EFTUD2: variants seen among roughly 807,000 people sequenced by gnomAD.
The protein encoded by EFTUD2 is elongation factor Tu GTP binding domain containing 2, also known as 116 kDa U5 small nuclear ribonucleoprotein component.
In EFTUD2, 9 loss-of-function variants were observed where a neutral mutation model predicts 114.3. The observed-to-expected ratio is 0.08, with a 90% CI of 0.05 to 0.14. The LOEUF is 0.14. EFTUD2 is among the 10% of genes least tolerant of loss of function. The pLI, the probability that EFTUD2 is intolerant of heterozygous loss-of-function variation, is 1.00. For synonymous variants in EFTUD2, 449 were observed against 462.3 expected, an observed-to-expected ratio of 0.97 and a Z score of 0.37; for missense variants, 765 against 1,241.2, an observed-to-expected ratio of 0.62 and a Z score of 5.76.
At chr17:44,851,402 G>A (rs902210932) in intron 27 of EFTUD2, 33 bp from the exon 28 acceptor site, 9 of 1,560,284 alleles carry the variant, frequency 5.8e-6, no homozygotes, top group Non-Finnish European at 7.9e-6. Flanking sequence ...AAGAAAGCCC[G>A]AGGTGGTCGC....
intron 9 of EFTUD2, among the ~76,000 whole-genome samples, chr17:44,877,124 A>G (rs1021156714): frequency 4.6e-5 from 7 of 151,940 alleles, no homozygotes; most frequent in Admixed American, 4.6e-4. Flanking sequence ...TGAGCCCAGG[A>G]GCTCGAGGCT....
rs2051032705 is a variant in EFTUD2 at position 44,879,592 on chromosome 17, T to C, written c.666A>G (p.Ser222=). The change falls in exon 9 of 28, where the codon TCA becomes TCG. Residue 222 remains serine (S), a synonymous_variant. Coordinates refer to ENST00000426333, the MANE Select transcript of EFTUD2 (RefSeq NM_004247.4). ...CATCAATGAAAAGGACCACTCCATC[T>C]GAGATGCGCAAGCCAGCTGTGACCT... ...SDEVTAGLRI[S]DGVVLFIDAA... is the part of the protein sequence containing the mutation. 1.2e-6 allele frequency: 2 copies of C among 1,613,832 alleles called. No homozygotes were observed. The highest frequency in any genetic ancestry group is 2.7e-5 in the African/African-American group (2 of 74,882).
At position 44,862,888 on chromosome 17, in the gene EFTUD2, T is replaced by C. The variant is rs1243132387; in HGVS notation, c.1432A>G (p.Thr478Ala). The C allele has an allele frequency of 1.2e-6, 2 of 1,609,790 alleles. No individual in the cohort carries two copies. Among genetic ancestry groups the C allele is most frequent in the East Asian group, 2.2e-5 (1 of 44,756 alleles). Residue 478 changes from threonine to alanine, a missense_variant, in exon 16 of 28, where the codon ACT becomes GCT. Physicochemically the swap from Thr to Ala is moderately conservative, Grantham distance 58. Around this residue, in one of 6 missense-constraint regions of EFTUD2, gnomAD observed 149 missense variants for 245.1 expected, o/e 0.61. Transcript: ENST00000426333. ...CDPDGPLMCH[T>A]TKMYSTDDGV... ...TCATCTGTGCTGTACATCTTAGTAGTGTGGCACATCAGGGGGCCCTGGAAG... is the reference window on the plus strand; with the variant it reads ...TCATCTGTGCTGTACATCTTAGTAGCGTGGCACATCAGGGGGCCCTGGAAG...
chr17:44,880,242 T>C (rs1326028752), intron 8 of EFTUD2, among the ~76,000 whole-genome samples: 2 of 152,218 alleles, frequency 1.3e-5, no homozygotes, highest in Non-Finnish European at 2.9e-5. Flanking sequence ...GGCCAGGGAC[T>C]GGCTCTGACT....
At chr17:44,887,021 C>A (rs773629723) in intron 2 of EFTUD2, among the ~76,000 whole-genome samples, 24 of 152,198 alleles carry the variant, frequency 1.6e-4, no homozygotes, top group Non-Finnish European at 3.4e-4. Context: ...GAAAACAAAT[C>A]ACAGCACAGC....
At chr17:44,855,139 A>C in intron 20 of EFTUD2, 135 bp from the exon 21 acceptor site, 1 of 764,052 alleles carries the variant, frequency 1.3e-6, no homozygotes, top group Non-Finnish European at 2.3e-6. Context: ...GTGGTGGTTC[A>C]GACCTGTAAT....
chr17:44,859,554 C>T, intron 18 of EFTUD2: 1 of 495,778 alleles, frequency 2.0e-6, no homozygotes, highest in Non-Finnish European at 3.7e-6. Context: ...CTCACTTTTC[C>T]TTCTCTTCTC....
intron 3 of EFTUD2, among the ~76,000 whole-genome samples, chr17:44,885,964 C>T (rs1291336492): frequency 1.3e-5 from 2 of 151,914 alleles, no homozygotes; most frequent in African/African-American, 2.4e-5. Flanking sequence ...AGGCTGGTTG[C>T]AGTGGCTCAC....
At chr17:44,893,026 A>G (rs1196387049) in intron 2 of EFTUD2, among the ~76,000 whole-genome samples, 1 of 152,162 alleles carries the variant, frequency 6.6e-6, no homozygotes, top group African/African-American at 2.4e-5. Flanking sequence ...TCATGTCCAC[A>G]GCATGCCCCT....
chr17:44,895,782 T>A (rs964682114), intron 1 of EFTUD2: 9 of 152,202 alleles, frequency 5.9e-5, no homozygotes, highest in African/African-American at 2.2e-4. Flanking sequence ...TCTTTACAGA[T>A]CCCATTCAAG....
At chr17:44,853,213 C>T (rs1328585585) in intron 25 of EFTUD2, 83 bp downstream of exon 25, 2 of 1,461,490 alleles carry the variant, frequency 1.4e-6, no homozygotes, top group South Asian at 1.2e-5. Flanking sequence ...AGAAGGCCAA[C>T]CTCTCTTCCC....
chr17:44,851,619 T>C (rs1308451435), intron 27 of EFTUD2, 91 bp downstream of exon 27: 3 of 1,308,348 alleles, frequency 2.3e-6, no homozygotes, highest in African/African-American at 1.5e-5. Flanking sequence ...AAGTGTCCCT[T>C]AGGAAAAGGG....
intron 16 of EFTUD2, 25 bp from the exon 17 acceptor site, chr17:44,860,568 A>C (rs778507218): frequency 1.4e-5 from 20 of 1,400,002 alleles, no homozygotes; most frequent in Non-Finnish European, 2.0e-5. Flanking sequence ...AATAAGCAGC[A>C]GTGAAACTTA....
intron 11 of EFTUD2, among the ~76,000 whole-genome samples, chr17:44,870,359 A>G (rs1158615778): frequency 6.6e-6 from 1 of 152,216 alleles, no homozygotes; most frequent in East Asian, 1.9e-4. Context: ...GTTTAATTTC[A>G]TTTATTGTTT....
Position 44,852,462 on chromosome 17 carries a change from G to A in EFTUD2, c.2662C>T (p.Arg888Trp). The A allele has an allele frequency of 6.2e-7, 1 of 1,614,106 alleles. No individual in the cohort carries two copies. The highest frequency in any genetic ancestry group is 8.5e-7 in the Non-Finnish European group (1 of 1,180,018). Residue 888 changes from arginine (R) to tryptophan (W), a missense_variant, in exon 26 of 28, where the codon CGG becomes TGG. Physicochemically the swap from Arg to Trp is moderately radical, Grantham distance 101. Transcript: ENST00000426333. ...IDSFGFETDL[R>W]THTQGQAFSL... ...AAGGCTTGTCCCTGGGTGTGAGTCC[G>A]GAGATCAGTCTCAAAGCCAAAAGAG...
chr17:44,890,977 G>A lies in EFTUD2; in HGVS notation c.105+3440C>T, dbSNP rs566042578. Among the ~76,000 whole-genome samples the A allele has an allele frequency of 6.1e-4, 93 of 151,936 alleles. 2 individuals carry two copies. Among genetic ancestry groups the A allele is most frequent in the Admixed American group, 5.3e-4 (8 of 15,228 alleles). On this transcript the variant is annotated intron_variant, in intron 2 of 27. Transcript: ENST00000426333. ...TACACTGGATTATTAATTACGGCGAGGGAAGGCTGGTGACAGGTAACCTTG... is the reference window on the plus strand; with the variant it reads ...TACACTGGATTATTAATTACGGCGAAGGAAGGCTGGTGACAGGTAACCTTG...
Position 44,854,685 on chromosome 17 carries a change from G to A in EFTUD2, c.2133-3C>T. 1 of 1,612,222 alleles carries A rather than the reference G, an allele frequency of 6.2e-7. No homozygotes were observed. Among genetic ancestry groups the A allele is most frequent in the Non-Finnish European group, 8.5e-7 (1 of 1,178,810 alleles). On this transcript the variant is annotated splice_region_variant and splice_polypyrimidine_tract_variant and intron_variant, in intron 21 of 27. Coordinates refer to ENST00000426333, the MANE Select transcript of EFTUD2 (RefSeq NM_004247.4). This position sits in a 1 kb window ranked among gnomAD's most constrained non-coding sequence, Gnocchi z 4.3. Reference sequence around the variant, plus strand: ...GGAAGAACTCTCCCAGCTTCTTCCTGGGGAAGGGAGGAGACAATGGAGCTG... The same window carrying A: ...GGAAGAACTCTCCCAGCTTCTTCCTAGGGAAGGGAGGAGACAATGGAGCTG...
At chr17:44,890,639 C>CT (rs1403473615) in intron 2 of EFTUD2, among the ~76,000 whole-genome samples, 1 of 114,404 alleles carries the variant, frequency 8.7e-6, no homozygotes, top group East Asian at 2.0e-4. Flanking sequence ...TTACAGTGAG[C>CT]CGAGATCATG....
At chr17:44,865,332 CT>C (rs974701673) in intron 13 of EFTUD2, 1 of 367,626 alleles carries the variant, frequency 2.7e-6, no homozygotes, top group African/African-American at 2.1e-5. Context: ...GTGCTGCCCC[CT>C]GGTGTCTGAA....
Sources: allele counts gnomAD v4.1 joint callset (sites outside exome capture counted in the v4.1 genomes callset), GRCh38; gene constraint gnomAD v4.1.1; regional missense constraint gnomAD v4.1.1; non-coding constraint Gnocchi (gnomAD v3.1); transcripts MANE v1.5; gene names NCBI Gene and HGNC (gene_info 2026-07-23, HGNC 2026-07-21).